SMC1A: variants seen among roughly 807,000 people sequenced by gnomAD.
SMC1A encodes structural maintenance of chromosomes protein 1A.
A neutral mutation model predicts 94.5 loss-of-function variants in SMC1A; 4 were observed. That is an observed-to-expected ratio of 0.04 (90% CI 0.02 to 0.10). The LOEUF is 0.10. Among genes scored for constraint, SMC1A ranks in the 10% least tolerant of loss-of-function variants. The pLI, the probability that SMC1A is intolerant of heterozygous loss-of-function variation, is 1.00. For missense variants in SMC1A, 304 were observed against 989.0 expected (o/e 0.31, Z 9.29); for synonymous variants, 345 against 347.7 (o/e 0.99, Z 0.09).
Position 53,412,085 on chromosome X carries a change from C to G in SMC1A, c.1023G>C (p.Leu341=). Residue 341 remains leucine, a synonymous_variant, in exon 6 of 25, where the codon CTG becomes CTC. Transcript: ENST00000322213. ...GDMDELEKEM[L]SVEKARQEFE... ...ACTCCTGCCGAGCCTTCTCCACTGA[C>G]AGCATCTCCTTCTCCAGCTCATCCA... The G allele has an allele frequency of 8.3e-7, 1 of 1,211,594 alleles. No homozygotes were observed. Among genetic ancestry groups the G allele is most frequent in the African/African-American group, 1.7e-5 (1 of 57,927 alleles).
rs1556889435 is a variant in SMC1A, at chrX:53,404,945, C to T, written c.2196+67G>A. The T allele has an allele frequency of 3.5e-6, 4 of 1,138,370 alleles. No individual in the cohort carries two copies. In the Admixed American group the frequency reaches 7.7e-5, roughly 22 times the overall value. 93.8% of individuals were successfully genotyped at this position (1,138,370 alleles called of 1,213,427 possible). On this transcript the variant is annotated intron_variant, in intron 13 of 24. Coordinates refer to ENST00000322213, the MANE Select transcript of SMC1A (RefSeq NM_006306.4). ...GGGAAGTGAAACAAGTTCCCCACCC[C>T]CAGAGAAACCTAGGCCAGGAATGTG...
intron 1 of SMC1A, among the ~76,000 whole-genome samples, chrX:53,421,408 ACACT>A (rs1556892017): frequency 8.9e-6 from 1 of 112,300 alleles, no homozygotes; most frequent in Non-Finnish European, 1.9e-5. Context: ...CACTGTTGAG[ACACT>A]CAGTCTCCAG....
chrX:53,403,344 G>C (rs1196688599), intron 15 of SMC1A, among the ~76,000 whole-genome samples: 1 of 110,547 alleles, frequency 9.0e-6, no homozygotes, highest in African/African-American at 3.3e-5. Context: ...TGGAGCTGGG[G>C]TTGTAATCCA....
chrX:53,402,553 T>TAA (rs370079547), intron 15 of SMC1A, among the ~76,000 whole-genome samples: 3 of 92,510 alleles, frequency 3.2e-5, no homozygotes, highest in South Asian at 1.0e-3. Flanking sequence ...TTAAAAAGGT[T>TAA]AAAAAAAAAA....
chrX:53,379,986 TC>T lies in SMC1A; in HGVS notation c.*116del, dbSNP rs2075575792. Reference sequence around the variant, plus strand: ...TCATGCTTGATTAGCAGTGCCTAAATCCCATGACTACACCAAAAAGGGCCAG... The same window carrying T: ...TCATGCTTGATTAGCAGTGCCTAAATCCATGACTACACCAAAAAGGGCCAG... On this transcript the variant is annotated 3_prime_UTR_variant, in exon 25 of 25. Transcript: ENST00000322213. 3 of 558,736 alleles carry T rather than the reference TC, an allele frequency of 5.4e-6. No individual in the cohort carries two copies. The highest frequency in any genetic ancestry group is 9.4e-6 in the Non-Finnish European group (3 of 317,487). The allele number at this position is 558,736 out of a possible 1,213,427, so 46.0% of individuals were successfully genotyped here.
At chrX:53,393,844 A>C (rs1330260129) in intron 19 of SMC1A, among the ~76,000 whole-genome samples, 1 of 111,199 alleles carries the variant, frequency 9.0e-6, no homozygotes, top group African/African-American at 3.3e-5. Context: ...TAGACAGTGG[A>C]AACAAAAACC....
chrX:53,398,792 C>T (rs1334957617), intron 16 of SMC1A, among the ~76,000 whole-genome samples: 1 of 111,260 alleles, frequency 9.0e-6, no homozygotes, highest in Non-Finnish European at 1.9e-5. Flanking sequence ...GAGTAGTTTC[C>T]AATTTGGAAC....
intron 19 of SMC1A, among the ~76,000 whole-genome samples, chrX:53,391,089 G>A (rs892054010): frequency 4.4e-4 from 48 of 108,121 alleles, no homozygotes; most frequent in African/African-American, 1.6e-3. Context: ...CAAGGCAGGG[G>A]GATCACATGA....
At chrX:53,410,693 G>A (rs1197301516) in intron 7 of SMC1A, among the ~76,000 whole-genome samples, 2 of 107,569 alleles carry the variant, frequency 1.9e-5, no homozygotes, top group Non-Finnish European at 3.8e-5. Flanking sequence ...TCAGCTACTT[G>A]GGGAGGCTGA....
intron 1 of SMC1A, chrX:53,421,905 G>A: frequency 8.3e-7 from 1 of 1,204,593 alleles, no homozygotes; most frequent in Non-Finnish European, 1.1e-6. Flanking sequence ...CTCTGACATA[G>A]CGGTGGGGGG....
chrX:53,416,952 T>A (rs1035617719), intron 1 of SMC1A, among the ~76,000 whole-genome samples: 17 of 110,103 alleles, frequency 1.5e-4, no homozygotes, highest in Admixed American at 1.5e-3. Flanking sequence ...TTCCTTTTTT[T>A]AATTTTTTGT....
rs781824288 is a variant in SMC1A, at chrX:53,411,757, C to T, written c.1254+4G>A. 2.2e-5 allele frequency: 26 copies of T among 1,208,596 alleles called. No homozygotes were observed. In the African/African-American group the frequency reaches 2.5e-4, roughly 11 times the overall value. ...TCATCCCTAATCTTATAACTATAGC[C>T]CACCTCTGTCTCTACTTTCTTCCGT... On this transcript the variant is annotated splice_donor_region_variant and intron_variant, in intron 7 of 24. Coordinates refer to ENST00000322213, the MANE Select transcript of SMC1A (RefSeq NM_006306.4).
At chrX:53,421,802 T>C (rs1386238916) in intron 1 of SMC1A, 2 of 972,233 alleles carry the variant, frequency 2.1e-6, no homozygotes, top group Middle Eastern at 2.7e-4. Context: ...TAACTCCTGA[T>C]AAACAATAAG....
chrX:53,390,193 CA>C (rs2146588784), intron 19 of SMC1A, among the ~76,000 whole-genome samples: 1 of 102,196 alleles, frequency 9.8e-6, no homozygotes, highest in South Asian at 5.1e-4. Context: ...AATAAAGTGT[CA>C]GGGGGCGGGG....
Position 53,403,580 on chromosome X carries a change from T to G in SMC1A, c.2406A>C (p.Glu802Asp). 1 of 1,203,433 alleles carries G rather than the reference T, an allele frequency of 8.3e-7. No individual in the cohort carries two copies. The highest frequency in any genetic ancestry group is 1.1e-6 in the Non-Finnish European group (1 of 890,408). The change falls in exon 15 of 25, where the codon GAA (glutamate) becomes GAC (aspartate). Residue 802 changes from glutamate (E) to aspartate (D), a missense_variant. Transcript: ENST00000322213. ...CTCCCACCTACCGCTTCTTGGCGAT[T>G]TCATTCTGCCGTTTCACCTTTTCTT... Reference protein sequence around the residue: ...FEEEKVKRQNEIAKKRLEFEN... With the variant: ...FEEEKVKRQNDIAKKRLEFEN...
At chrX:53,411,971 C>T (rs782565730) in intron 6 of SMC1A, 24 bp downstream of exon 6, 1 of 1,209,629 alleles carries the variant, frequency 8.3e-7, no homozygotes, top group South Asian at 1.8e-5. Context: ...GATCTCCTCC[C>T]TGCCAACCCC....
At chrX:53,385,535 A>G (rs2075601598) in intron 19 of SMC1A, among the ~76,000 whole-genome samples, 1 of 109,794 alleles carries the variant, frequency 9.1e-6, no homozygotes, top group Non-Finnish European at 1.9e-5. Flanking sequence ...AGGCCTCCCA[A>G]AGTGCTTGGG....
At chrX:53,397,182 G>C (rs781784702) in intron 16 of SMC1A, among the ~76,000 whole-genome samples, 1 of 111,482 alleles carries the variant, frequency 9.0e-6, no homozygotes, top group African/African-American at 3.3e-5. Context: ...CTGGCAAGAC[G>C]AAGGGGACTA....
chrX:53,393,533 T>C lies in SMC1A; in HGVS notation c.2973+1245A>G, dbSNP rs782812212. 2.7e-5 allele frequency among the ~76,000 whole-genome samples: 3 copies of C among 111,647 alleles called. No individual in the cohort carries two copies. In the South Asian group the frequency reaches 1.1e-3, roughly 42 times the overall value. On this transcript the variant is annotated intron_variant, in intron 19 of 24. Coordinates refer to ENST00000322213, the MANE Select transcript of SMC1A (RefSeq NM_006306.4). ...TTGTTAAATATTTTCAGATATAATA[T>C]TATGGTTGTTTTTCTTAAAAGTTCT...
Sources: gnomAD v4.1 joint callset for allele counts (sites outside exome capture counted in the v4.1 genomes callset) on GRCh38, gnomAD v4.1.1 for gene constraint, MANE v1.5 for transcripts, NCBI Gene and HGNC (gene_info 2026-07-23, HGNC 2026-07-21) for gene names.